TENM3: variants seen among roughly 807,000 people sequenced by gnomAD.
TENM3 encodes teneurin transmembrane protein 3, also known as teneurin-3.
A neutral mutation model predicts 255.1 loss-of-function variants in TENM3; 63 were observed. The observed-to-expected ratio is 0.25, with a 90% CI of 0.20 to 0.30. The LOEUF is 0.30. TENM3 is among the 10% of genes least tolerant of loss of function. TENM3 has a pLI of 1.00. For synonymous variants in TENM3, 1,306 were observed against 1,322.3 expected (o/e 0.99, Z 0.27); for missense variants, 2,929 against 3,461.1 (o/e 0.85, Z 3.86).
At chr4:181,804,970 C>T in the TENM3 span, among the ~76,000 whole-genome samples, 1 of 152,124 alleles carries the variant, frequency 6.6e-6, no homozygotes, top group East Asian at 1.9e-4. Context: ...TTGTCTCTCA[C>T]CCGTCCCCTG....
chr4:182,514,905 CAG>C (rs1298080467), intron 3 of TENM3, among the ~76,000 whole-genome samples: 1 of 152,056 alleles, frequency 6.6e-6, no homozygotes, highest in Non-Finnish European at 1.5e-5. Context: ...TTAAAGCTTA[CAG>C]AGAGAGAGGA....
intron 3 of TENM3, among the ~76,000 whole-genome samples, chr4:182,561,985 C>CAGATAGATAGATAGATAGAT (rs60745078): frequency 1.0e-4 from 15 of 145,310 alleles, no homozygotes; most frequent in East Asian, 2.1e-4. Context: ...GATAGATAGA[C>CAGATAGATAGATAGATAGAT]AGATAGATAG....
the TENM3 span, among the ~76,000 whole-genome samples, chr4:182,134,171 G>A: frequency 1.3e-5 from 2 of 152,170 alleles, no homozygotes; most frequent in African/African-American, 4.8e-5. Flanking sequence ...CCAAAAGGTA[G>A]TAAAGGTTGA....
intron 3 of TENM3, among the ~76,000 whole-genome samples, chr4:182,413,378 A>C (rs894780146): frequency 6.6e-6 from 1 of 152,174 alleles, no homozygotes; most frequent in Non-Finnish European, 1.5e-5. Flanking sequence ...GCACTTTAGG[A>C]GGCTGAAGCA....
the TENM3 span, among the ~76,000 whole-genome samples, chr4:182,114,830 T>C: frequency 6.6e-6 from 1 of 152,206 alleles, no homozygotes; most frequent in Non-Finnish European, 1.5e-5. Context: ...TATTTATTTT[T>C]GGCCAGGACT....
intron 5 of TENM3, among the ~76,000 whole-genome samples, chr4:182,648,827 T>C (rs1752997469): frequency 6.6e-6 from 1 of 152,162 alleles, no homozygotes; most frequent in Admixed American, 6.6e-5. Flanking sequence ...CAGTATTCCC[T>C]TTTTTGTGTG....
At chr4:181,911,139 G>A in the TENM3 span, among the ~76,000 whole-genome samples, 1 of 152,130 alleles carries the variant, frequency 6.6e-6, no homozygotes, top group East Asian at 1.9e-4. Context: ...AGAAAAAGCG[G>A]GTAATTTGGT....
chr4:181,490,623 T>A, the TENM3 span, among the ~76,000 whole-genome samples: 2 of 152,224 alleles, frequency 1.3e-5, no homozygotes, highest in African/African-American at 4.8e-5. Context: ...CTACAGAAAC[T>A]CTTCCTCATT....
chr4:182,694,228 GCCTC>G (rs1757218912), intron 12 of TENM3, among the ~76,000 whole-genome samples: 2 of 151,928 alleles, frequency 1.3e-5, no homozygotes, highest in Non-Finnish European at 2.9e-5. Flanking sequence ...TCCCACGTCA[GCCTC>G]CCGAATAGCT....
chr4:181,748,778 G>A, the TENM3 span, among the ~76,000 whole-genome samples: 1 of 152,176 alleles, frequency 6.6e-6, no homozygotes, highest in Admixed American at 6.5e-5. Context: ...GACATGACAG[G>A]GTGTGAATTA....
chr4:182,244,315 G>A (rs115672806), intron 1 of TENM3, among the ~76,000 whole-genome samples: 1 of 152,036 alleles, frequency 6.6e-6, no homozygotes, highest in East Asian at 1.9e-4. Flanking sequence ...TGGTCACGGC[G>A]ATCACAAAAT....
At chr4:181,659,767 A>G in the TENM3 span, among the ~76,000 whole-genome samples, 4 of 152,196 alleles carry the variant, frequency 2.6e-5, no homozygotes, top group African/African-American at 9.6e-5. Flanking sequence ...CCAGATAGTA[A>G]GAGAGTCACA....
rs763607054 is a variant in TENM3 at position 182,680,704 on chromosome 4, A to C, written c.1801A>C (p.Asn601His). The C allele has an allele frequency of 6.3e-7, 1 of 1,583,202 alleles. No homozygotes were observed. The highest frequency in any genetic ancestry group is 8.6e-7 in the Non-Finnish European group (1 of 1,167,472). The change falls in exon 10 of 28, where the codon AAC (asparagine) becomes CAC (histidine). Residue 601 changes from asparagine (N) to histidine (H), a missense_variant. This residue lies in a region of TENM3 where 1,608 missense variants were observed against 1,884.4 expected (regional missense o/e 0.85). Transcript: ENST00000511685. ...TTGTATCATGGGCTCTTGTGCTTGC[A>C]ACTCAGGATACAAAGGAGAAAGTTG... ...GICIMGSCAC[N>H]SGYKGESCEE... is the part of the protein sequence containing the mutation.
At chr4:181,534,691 C>T in the TENM3 span, among the ~76,000 whole-genome samples, 2 of 152,112 alleles carry the variant, frequency 1.3e-5, no homozygotes, top group Admixed American at 1.3e-4. Flanking sequence ...ATGGCATTTA[C>T]CACACAGTTT....
the TENM3 span, among the ~76,000 whole-genome samples, chr4:181,814,938 G>T: frequency 3.0e-4 from 45 of 151,992 alleles, no homozygotes; most frequent in East Asian, 6.6e-3. Flanking sequence ...ATAAAAATTG[G>T]TGCTAATGAA....
At chr4:182,022,121 A>C in the TENM3 span, among the ~76,000 whole-genome samples, 173 of 152,144 alleles carry the variant, frequency 1.1e-3, 1 homozygote, top group African/African-American at 4.2e-3. Context: ...TTTGTTCACA[A>C]TAAGAAAATC....
the TENM3 span, among the ~76,000 whole-genome samples, chr4:181,606,947 G>A: frequency 9.2e-5 from 14 of 152,160 alleles, no homozygotes; most frequent in Non-Finnish European, 1.9e-4. Context: ...GCTGAGAATA[G>A]TGGAGAGATG....
intron 1 of TENM3, among the ~76,000 whole-genome samples, chr4:182,159,910 A>G (rs1287195053): frequency 6.6e-6 from 1 of 152,166 alleles, no homozygotes; most frequent in Non-Finnish European, 1.5e-5. Flanking sequence ...GAGAGAGAAA[A>G]TTTACTTAGA....
chr4:182,119,979 G>C, the TENM3 span, among the ~76,000 whole-genome samples: 1 of 152,096 alleles, frequency 6.6e-6, no homozygotes, highest in Admixed American at 6.6e-5. Context: ...TGGGATTAGA[G>C]GTGTGAGCCA....
Sources: allele counts gnomAD v4.1 joint callset (sites outside exome capture counted in the v4.1 genomes callset), GRCh38; gene constraint gnomAD v4.1.1; regional missense constraint gnomAD v4.1.1; transcripts MANE v1.5; gene names NCBI Gene and HGNC (gene_info 2026-07-23, HGNC 2026-07-21).